DDX60L: variants seen among roughly 807,000 people sequenced by gnomAD.
DDX60L encodes the protein DExD/H-box 60 like, also known as probable ATP-dependent RNA helicase DDX60-like.
In DDX60L, 191 loss-of-function variants were observed where a neutral mutation model predicts 211.6. That is an observed-to-expected ratio of 0.90 (90% CI 0.80 to 1.02). DDX60L has a LOEUF of 1.02. DDX60L is among the 50% of genes least tolerant of loss of function. DDX60L has a pLI of 0.00. For missense variants in DDX60L, 2,007 were observed against 1,984.1 expected, an observed-to-expected ratio of 1.01 and a Z score of -0.22; for synonymous variants, 706 against 694.1, an observed-to-expected ratio of 1.02 and a Z score of -0.27.
chr4:168,405,091 C>A (rs1747509233), intron 24 of DDX60L, among the ~76,000 whole-genome samples: 1 of 152,022 alleles, frequency 6.6e-6, no homozygotes, highest in Non-Finnish European at 1.5e-5. Context: ...TCACTGCAAC[C>A]TCTGCCTCCC....
rs1390127211 is a variant in DDX60L at position 168,357,229 on chromosome 4, A to G, written c.*918T>C. The G allele has an allele frequency of 6.6e-6, 1 of 152,194 alleles. No homozygotes were observed. The highest frequency in any genetic ancestry group is 2.4e-5 in the African/African-American group (1 of 41,446). The allele number at this position is 152,194 out of a possible 1,614,324, so 9.4% of individuals were successfully genotyped here. A position where few individuals can be genotyped will look rare whatever the true frequency, so the allele number is the denominator to read the frequency against. On this transcript the variant is annotated 3_prime_UTR_variant, in exon 38 of 38. Coordinates refer to ENST00000682922, the MANE Select transcript of DDX60L (RefSeq NM_001012967.3). ...AAATAAGAAAGTGTAGGGGACTTAA[A>G]CAAAATCTATCATTGCTATTGAACA... is the stretch of plus-strand genomic sequence containing the variant.
intron 26 of DDX60L, among the ~76,000 whole-genome samples, chr4:168,399,097 C>T (rs1381880604): frequency 6.6e-6 from 1 of 152,230 alleles, no homozygotes; most frequent in Non-Finnish European, 1.5e-5. Context: ...ACCTTGCTTA[C>T]CCTCCACTTG....
At chr4:168,436,899 A>G (rs1468249135) in intron 10 of DDX60L, among the ~76,000 whole-genome samples, 2 of 152,186 alleles carry the variant, frequency 1.3e-5, no homozygotes, top group Non-Finnish European at 2.9e-5. Context: ...GGCAAAGGAA[A>G]GGGTTATTGT....
rs1179126852 is a variant in DDX60L at position 168,395,963 on chromosome 4, TC to T, written c.3652del (p.Asp1218ThrfsTer20). 6.3e-7 allele frequency: 1 copy of T among 1,593,316 alleles called. No individual in the cohort carries two copies. Among genetic ancestry groups the T allele is most frequent in the Admixed American group, 1.8e-5 (1 of 56,590 alleles). On this transcript the variant is annotated frameshift_variant, in exon 27 of 38. Coordinates refer to ENST00000682922, the MANE Select transcript of DDX60L (RefSeq NM_001012967.3). LOFTEE classifies it high-confidence loss of function. ...ATTAATAATTCTCTGACGTACTGAGTCTTTATTCCTGGTAATTTCAGTGTGT... is the reference window on the plus strand; with the variant it reads ...ATTAATAATTCTCTGACGTACTGAGTTTTATTCCTGGTAATTTCAGTGTGT... ...ALHTEITRNK[D>X]STLERVLPRV... is the part of the protein sequence containing the mutation.
chr4:168,397,760 G>A (rs1258381719), intron 26 of DDX60L, among the ~76,000 whole-genome samples: 1 of 152,226 alleles, frequency 6.6e-6, no homozygotes, highest in East Asian at 1.9e-4. Flanking sequence ...CAGGACACCG[G>A]CTGCAGTGGG....
chr4:168,467,207 G>C (rs1454903281), intron 4 of DDX60L, among the ~76,000 whole-genome samples: 2 of 151,926 alleles, frequency 1.3e-5, no homozygotes, highest in Admixed American at 6.6e-5. Context: ...TTGGGAGTTG[G>C]AGACTAGCCT....
intron 1 of DDX60L, among the ~76,000 whole-genome samples, chr4:168,473,339 C>T (rs748250694): frequency 7.2e-5 from 11 of 152,168 alleles, no homozygotes; most frequent in Non-Finnish European, 1.3e-4. Flanking sequence ...ATTACTCTAT[C>T]TTTAGTAGAG....
chr4:168,361,923 AT>A (rs1739180337), intron 36 of DDX60L, among the ~76,000 whole-genome samples: 1 of 152,160 alleles, frequency 6.6e-6, no homozygotes, highest in South Asian at 2.1e-4. Flanking sequence ...GCATGATGAC[AT>A]TTTGAAGGCC....
At chr4:168,461,611 A>T (rs993913191) in intron 5 of DDX60L, 88 bp downstream of exon 5, 40 of 961,202 alleles carry the variant, frequency 4.2e-5, no homozygotes, top group Non-Finnish European at 5.9e-5. Context: ...AATAAGTTCC[A>T]TTAAAAATAC....
At chr4:168,437,511 G>A (rs912750087) in intron 10 of DDX60L, among the ~76,000 whole-genome samples, 4 of 152,050 alleles carry the variant, frequency 2.6e-5, no homozygotes, top group African/African-American at 9.7e-5. Context: ...CCCCCTAATG[G>A]CCAAGGTTAC....
intron 13 of DDX60L, among the ~76,000 whole-genome samples, chr4:168,429,611 G>A (rs990546782): frequency 1.3e-5 from 2 of 152,178 alleles, no homozygotes; most frequent in Admixed American, 1.3e-4. Context: ...TGGCAAGCAA[G>A]TAAAATAACT....
intron 5 of DDX60L, among the ~76,000 whole-genome samples, chr4:168,458,928 A>G (rs1163653607): frequency 1.3e-5 from 2 of 152,318 alleles, no homozygotes; most frequent in East Asian, 1.9e-4. Flanking sequence ...ATAAACATGC[A>G]TATTTCCTCT....
rs774675676 is a variant in DDX60L, at chr4:168,373,854, A to T, written c.4634-46T>A. On this transcript the variant is annotated intron_variant, in intron 34 of 37. Transcript: ENST00000682922. Reference sequence around the variant, plus strand: ...CACGTTAGGTTTTAAAAATCAGCCCAAATGTTAACCCTTTCAAACTCACTG... The same window carrying T: ...CACGTTAGGTTTTAAAAATCAGCCCTAATGTTAACCCTTTCAAACTCACTG... 16 of 1,591,642 alleles carry T rather than the reference A, an allele frequency of 1.0e-5. No homozygotes were observed. The African/African-American group carries it at 2.0e-4, about 20-fold the overall frequency.
chr4:168,384,932 A>C lies in DDX60L; in HGVS notation c.3916-120T>G, dbSNP rs746315606. 6.6e-4 allele frequency: 669 copies of C among 1,012,616 alleles called. 1 individual carries two copies. Among genetic ancestry groups the C allele is most frequent in the Non-Finnish European group, 8.8e-4 (606 of 685,054 alleles). 62.7% of individuals were successfully genotyped at this position (1,012,616 alleles called of 1,614,324 possible). A position where few individuals can be genotyped will look rare whatever the true frequency, so the allele number is the denominator to read the frequency against. On this transcript the variant is annotated intron_variant, in intron 29 of 37. Transcript: ENST00000682922. ...GTGTTAAATTGTGTATTTAGTCCTG[A>C]AACTAATCTATGTTAACATGGCACT...
At chr4:168,479,083 T>G (rs79200810) in intron 1 of DDX60L, among the ~76,000 whole-genome samples, 3,662 of 152,088 alleles carry the variant, frequency 0.024, 126 homozygotes, top group African/African-American at 0.079. Context: ...GATAGACAGA[T>G]GATGGATCGA....
In DDX60L at chr4:168,420,706, T is replaced by C. The variant is rs138576673; in HGVS notation, c.2395-326A>G. ...ATAGACAGACAGACAGACAGACAGA[T>C]ATTACATATCATGTATATGGTGACA... On this transcript the variant is annotated intron_variant, in intron 17 of 37. Transcript: ENST00000682922. Among the ~76,000 whole-genome samples the C allele has an allele frequency of 5.7e-4, 84 of 147,862 alleles. No individual in the cohort carries two copies. In the Middle Eastern group the frequency reaches 0.01, roughly 18 times the overall value.
chr4:168,433,214 A>G (rs190134847), intron 10 of DDX60L, 99 bp from the exon 11 acceptor site: 272 of 826,420 alleles, frequency 3.3e-4, no homozygotes, highest in African/African-American at 2.7e-3. Context: ...AATATTTTAC[A>G]TAAATTTTAC....
At chr4:168,470,097 T>TG (rs1368446648) in intron 4 of DDX60L, 2 of 152,186 alleles carry the variant, frequency 1.3e-5, no homozygotes, top group Non-Finnish European at 2.9e-5. Flanking sequence ...ATTAGCCATT[T>TG]GATAAATACC....
intron 9 of DDX60L, among the ~76,000 whole-genome samples, chr4:168,445,693 G>A (rs1165414256): frequency 2.0e-5 from 3 of 151,370 alleles, no homozygotes; most frequent in Non-Finnish European, 2.9e-5. Flanking sequence ...GATCAAGTGG[G>A]CTTCATCCCT....
Sources: allele counts gnomAD v4.1 joint callset (sites outside exome capture counted in the v4.1 genomes callset), GRCh38; gene constraint gnomAD v4.1.1; transcripts MANE v1.5; gene names NCBI Gene and HGNC (gene_info 2026-07-23, HGNC 2026-07-21).